LMX1B: variants seen among roughly 807,000 people sequenced by gnomAD.
LMX1B encodes LIM homeobox transcription factor 1 beta, also known as LIM homeobox transcription factor 1-beta.
Under a neutral mutation model 51.4 loss-of-function variants are expected in LMX1B, and 12 were observed. The ratio of observed to expected loss-of-function variants is 0.23; its 90% CI spans 0.15 to 0.38. The LOEUF (loss-of-function observed/expected upper bound fraction) is 0.38. Among genes scored for constraint, LMX1B ranks in the 10% least tolerant of loss-of-function variants. LMX1B has a pLI of 1.00. For synonymous variants in LMX1B, 237 were observed against 235.4 expected, an observed-to-expected ratio of 1.01 and a Z score of -0.06; for missense variants, 445 against 571.1, an observed-to-expected ratio of 0.78 and a Z score of 2.25.
At chr9:126,678,329 CAAA>C (rs942985684) in intron 2 of LMX1B, among the ~76,000 whole-genome samples, 2 of 117,824 alleles carry the variant, frequency 1.7e-5, no homozygotes, top group African/African-American at 9.1e-5. Context: ...AAACAAAAAA[CAAA>C]AAAAAAAAAC....
intron 2 of LMX1B, among the ~76,000 whole-genome samples, chr9:126,631,298 A>G (rs1245282614): frequency 6.6e-6 from 1 of 152,244 alleles, no homozygotes; most frequent in Admixed American, 6.5e-5. Flanking sequence ...AATGATAGTA[A>G]TAATAATGAT....
intron 2 of LMX1B, among the ~76,000 whole-genome samples, chr9:126,633,425 C>T (rs2118864927): frequency 6.6e-6 from 1 of 152,358 alleles, no homozygotes; most frequent in South Asian, 2.1e-4. Context: ...ACCTGTCCAT[C>T]TGGATGGATG....
At chr9:126,687,597 A>G (rs1249959592) in intron 2 of LMX1B, among the ~76,000 whole-genome samples, 6 of 152,202 alleles carry the variant, frequency 3.9e-5, no homozygotes, top group African/African-American at 4.8e-5. Flanking sequence ...CTAAAGCTGC[A>G]CAGCAAGGAA....
At chr9:126,655,180 C>T (rs1230132456) in intron 2 of LMX1B, among the ~76,000 whole-genome samples, 1 of 152,248 alleles carries the variant, frequency 6.6e-6, no homozygotes, top group East Asian at 1.9e-4. Flanking sequence ...CCCAAAGATG[C>T]CCTGGCCTGG....
intron 3 of LMX1B, among the ~76,000 whole-genome samples, chr9:126,692,634 C>G (rs1347328899): frequency 6.6e-6 from 1 of 152,232 alleles, no homozygotes; most frequent in African/African-American, 2.4e-5. Flanking sequence ...GTGCATCTTA[C>G]GAGTGTGTGC....
At position 126,696,342 on chromosome 9, in the gene LMX1B, G is replaced by A. The variant is rs1202155637; in HGVS notation, c.1100G>A (p.Ser367Asn). The A allele has an allele frequency of 3.1e-6, 5 of 1,614,080 alleles. No homozygotes were observed. Among genetic ancestry groups the A allele is most frequent in the Non-Finnish European group, 4.2e-6 (5 of 1,179,992 alleles). Residue 367 changes from serine to asparagine, a missense_variant, in exon 8 of 8, where the codon AGC becomes AAC. By Grantham distance (46) the Ser-to-Asn change is conservative. This residue lies in a region of LMX1B where 162 missense variants were observed against 187.8 expected (regional missense o/e 0.86). Transcript: ENST00000373474. ...HDIDSDTSLTSLSDCFLGSSD... is the reference protein window; with the variant it reads ...HDIDSDTSLTNLSDCFLGSSD... ...ATCGACAGCGATACCTCCTTAACCA[G>A]CCTCAGCGACTGCTTCCTCGGCTCC...
intron 2 of LMX1B, among the ~76,000 whole-genome samples, chr9:126,685,654 C>T (rs1836755512): frequency 6.6e-6 from 1 of 152,072 alleles, no homozygotes; most frequent in African/African-American, 2.4e-5. Flanking sequence ...AAGGAAGAGC[C>T]ACATAAACTG....
In LMX1B at chr9:126,666,460, G is replaced by A. The variant is rs764809090; in HGVS notation, c.327-24376G>A. ...GGCTGGAGCTGCAGATCCATTTCTG[G>A]AAAGAGGAAAGGGAAGCAGGAAGGG... On this transcript the variant is annotated intron_variant, in intron 2 of 7. Coordinates refer to ENST00000373474, the MANE Select transcript of LMX1B (RefSeq NM_001174147.2). 6.6e-5 allele frequency among the ~76,000 whole-genome samples: 10 copies of A among 152,178 alleles called. No individual in the cohort carries two copies. The East Asian group carries it at 1.9e-3, about 29-fold the overall frequency.
chr9:126,681,809 G>A (rs888721908), intron 2 of LMX1B, among the ~76,000 whole-genome samples: 1 of 151,908 alleles, frequency 6.6e-6, no homozygotes, highest in Non-Finnish European at 1.5e-5. Context: ...GCTGAGGCAG[G>A]AGAATTGCTT....
chr9:126,648,547 TA>T (rs1835945389), intron 2 of LMX1B, among the ~76,000 whole-genome samples: 1 of 152,160 alleles, frequency 6.6e-6, no homozygotes, highest in Non-Finnish European at 1.5e-5. Context: ...TTCTCATCCG[TA>T]AAATGGTGTT....
At chr9:126,672,614 G>A (rs992708967) in intron 2 of LMX1B, among the ~76,000 whole-genome samples, 15 of 152,202 alleles carry the variant, frequency 9.9e-5, no homozygotes, top group South Asian at 6.2e-4. Context: ...ATGGAAAGCC[G>A]GGGCCCAGGA....
intron 2 of LMX1B, among the ~76,000 whole-genome samples, chr9:126,654,218 C>T (rs1431761649): frequency 3.9e-5 from 6 of 152,222 alleles, no homozygotes; most frequent in African/African-American, 4.8e-5. Context: ...CCTGCCCTTG[C>T]GCAGGTTTCA....
At chr9:126,639,741 C>A (rs1211164493) in intron 2 of LMX1B, among the ~76,000 whole-genome samples, 1 of 152,108 alleles carries the variant, frequency 6.6e-6, no homozygotes, top group African/African-American at 2.4e-5. Flanking sequence ...GGGGAGAGGC[C>A]CAGGATAGTC....
At chr9:126,656,282 G>C (rs1300039695) in intron 2 of LMX1B, among the ~76,000 whole-genome samples, 1 of 152,184 alleles carries the variant, frequency 6.6e-6, no homozygotes, top group Non-Finnish European at 1.5e-5. Flanking sequence ...GGATGCAGTA[G>C]CTCACACCTG....
Position 126,690,971 on chromosome 9 carries a change from C to T in LMX1B, c.462C>T (p.Asp154=), listed in dbSNP as rs1389669108. 19 of 1,613,894 alleles carry T rather than the reference C, an allele frequency of 1.2e-5. No individual in the cohort carries two copies. Among genetic ancestry groups the T allele is most frequent in the Non-Finnish European group, 1.4e-5 (17 of 1,179,972 alleles). Reference sequence around the variant, plus strand: ...GTGAACGGCAGCTACGCAAGGGCGACGAATTCGTGCTCAAGGAGGGCCAGC... The same window carrying T: ...GTGAACGGCAGCTACGCAAGGGCGATGAATTCGTGCTCAAGGAGGGCCAGC... The part of the protein sequence containing the change: ...CVCERQLRKG[D]EFVLKEGQLL... Residue 154 remains aspartate (D), a synonymous_variant, in exon 3 of 8, where the codon GAC becomes GAT. Coordinates refer to ENST00000373474, the MANE Select transcript of LMX1B (RefSeq NM_001174147.2).
At chr9:126,627,286 C>A (rs985503775) in intron 2 of LMX1B, among the ~76,000 whole-genome samples, 1 of 152,124 alleles carries the variant, frequency 6.6e-6, no homozygotes, top group African/African-American at 2.4e-5. Flanking sequence ...CCCTTCTTCC[C>A]TTTTTTACTC....
At position 126,615,612 on chromosome 9, in the gene LMX1B, C is replaced by T; in HGVS notation, c.326+43C>T. The stretch of plus-strand genomic sequence containing the variant: ...TCCTTCCCCGCCACCGCCCGGCACT[C>T]GAGCCCGGTCAGCCCCCTGCCGGGC... On this transcript the variant is annotated intron_variant, in intron 2 of 7. Coordinates refer to ENST00000373474, the MANE Select transcript of LMX1B (RefSeq NM_001174147.2). This position sits in a 1 kb window ranked among gnomAD's most constrained non-coding sequence, Gnocchi z 6.0. The T allele has an allele frequency of 6.4e-7, 1 of 1,552,262 alleles. No homozygotes were observed. Among genetic ancestry groups the T allele is most frequent in the Admixed American group, 1.9e-5 (1 of 53,776 alleles).
chr9:126,678,389 A>C (rs573822735), intron 2 of LMX1B, among the ~76,000 whole-genome samples: 50 of 151,788 alleles, frequency 3.3e-4, no homozygotes, highest in Non-Finnish European at 5.9e-4. Context: ...CAAGAAAGGG[A>C]GGTGTCACTG....
chr9:126,630,566 G>A (rs1835614999), intron 2 of LMX1B, among the ~76,000 whole-genome samples: 1 of 152,206 alleles, frequency 6.6e-6, no homozygotes, highest in African/African-American at 2.4e-5. Flanking sequence ...AGGTCACACA[G>A]CTAGTTAGCA....
Sources: allele counts gnomAD v4.1 joint callset (sites outside exome capture counted in the v4.1 genomes callset), GRCh38; gene constraint gnomAD v4.1.1; regional missense constraint gnomAD v4.1.1; non-coding constraint Gnocchi (gnomAD v3.1); transcripts MANE v1.5; gene names NCBI Gene and HGNC (gene_info 2026-07-23, HGNC 2026-07-21).